The following KCNAB1 variants were observed in gnomAD, a reference collection of about 807,000 sequenced individuals.
KCNAB1 encodes voltage-gated potassium channel subunit beta-1.
Under a neutral mutation model 64.6 loss-of-function variants are expected in KCNAB1, and 35 were observed. The ratio of observed to expected loss-of-function variants is 0.54; its 90% confidence interval spans 0.41 to 0.72. The LOEUF (loss-of-function observed/expected upper bound fraction) is 0.72, where lower values mean the gene tolerates loss of function less well. Among genes scored for constraint, KCNAB1 ranks in the 30% least tolerant of loss-of-function variants. The pLI, the probability that KCNAB1 is intolerant of heterozygous loss-of-function variation, is 0.00. For synonymous variants in KCNAB1, 177 were observed against 183.8 expected, an observed-to-expected ratio of 0.96 and a Z score of 0.30; for missense variants, 401 against 512.9, an observed-to-expected ratio of 0.78 and a Z score of 2.11.
intron 1 of KCNAB1, among the ~76,000 whole-genome samples, chr3:156,121,674 T>C (rs1206917222): frequency 2.0e-5 from 3 of 152,228 alleles, no homozygotes; most frequent in Non-Finnish European, 4.4e-5. Flanking sequence ...GAAAAAATAC[T>C]GTGAAAATAA....
At chr3:156,352,577 A>G (rs1724926338) in intron 1 of KCNAB1, among the ~76,000 whole-genome samples, 1 of 152,228 alleles carries the variant, frequency 6.6e-6, no homozygotes, top group South Asian at 2.1e-4. Context: ...CTTTAATGGC[A>G]GGAACCTTAC....
At chr3:156,371,936 A>G (rs1329483352) in intron 1 of KCNAB1, among the ~76,000 whole-genome samples, 1 of 152,192 alleles carries the variant, frequency 6.6e-6, no homozygotes, top group East Asian at 1.9e-4. Context: ...GTTCCAAACT[A>G]ATTTTATTGT....
At chr3:156,120,505 A>T, upstream of KCNAB1, 1 of 1,265,174 alleles carries the variant, frequency 7.9e-7, no homozygotes, top group East Asian at 2.3e-5. Context: ...GGATAAGGTT[A>T]AGAGAGGTGG....
At chr3:156,267,541 A>G (rs1718790273) in intron 1 of KCNAB1, among the ~76,000 whole-genome samples, 2 of 152,142 alleles carry the variant, frequency 1.3e-5, no homozygotes, top group South Asian at 2.1e-4. Context: ...AAGATGATTT[A>G]TGTACATTGT....
At chr3:156,341,564 A>G (rs1262490199) in intron 1 of KCNAB1, among the ~76,000 whole-genome samples, 1 of 152,150 alleles carries the variant, frequency 6.6e-6, no homozygotes, top group Admixed American at 6.5e-5. Flanking sequence ...GGATGAGATC[A>G]TGCCTTATTG....
At chr3:156,455,076 G>C (rs138563533) in intron 3 of KCNAB1, among the ~76,000 whole-genome samples, 1 of 152,186 alleles carries the variant, frequency 6.6e-6, no homozygotes, top group Non-Finnish European at 1.5e-5. Context: ...TCCCTGAAGA[G>C]AGAATACCAG....
intron 1 of KCNAB1, among the ~76,000 whole-genome samples, chr3:156,238,278 T>C (rs1716960895): frequency 6.6e-6 from 1 of 151,922 alleles, no homozygotes; most frequent in Non-Finnish European, 1.5e-5. Context: ...AAAAATTAGC[T>C]GGCCATGGTG....
At chr3:156,432,147 G>A (rs1716261169) in intron 2 of KCNAB1, among the ~76,000 whole-genome samples, 1 of 152,116 alleles carries the variant, frequency 6.6e-6, no homozygotes, top group African/African-American at 2.4e-5. Context: ...TCCTGGATCT[G>A]GGATGCCTTC....
chr3:156,256,182 TTA>T (rs1718089244), intron 1 of KCNAB1, among the ~76,000 whole-genome samples: 1 of 152,182 alleles, frequency 6.6e-6, no homozygotes, highest in Non-Finnish European at 1.5e-5. Flanking sequence ...TGAAAAAGTG[TTA>T]TGTTTTCAGC....
At chr3:156,262,523 C>T (rs1718489442) in intron 1 of KCNAB1, among the ~76,000 whole-genome samples, 1 of 151,946 alleles carries the variant, frequency 6.6e-6, no homozygotes, top group Non-Finnish European at 1.5e-5. Flanking sequence ...AACCAAACTA[C>T]AGACCACTTA....
chr3:156,381,995 A>C (rs1352099290), intron 1 of KCNAB1: 2 of 152,232 alleles, frequency 1.3e-5, no homozygotes, highest in Non-Finnish European at 2.9e-5. Context: ...TGGATCAAGA[A>C]TCAAGAAACC....
chr3:156,458,667 G>A (rs1296263348), intron 4 of KCNAB1, among the ~76,000 whole-genome samples: 1 of 152,150 alleles, frequency 6.6e-6, no homozygotes, highest in Non-Finnish European at 1.5e-5. Flanking sequence ...AGGTTATATG[G>A]TCTTGCTCCT....
intron 1 of KCNAB1, among the ~76,000 whole-genome samples, chr3:156,395,352 C>T (rs952319377): frequency 2.7e-5 from 4 of 148,666 alleles, no homozygotes; most frequent in Non-Finnish European, 5.9e-5. Context: ...GAGACCATCC[C>T]GGCTAAAACG....
chr3:156,249,590 G>GAA (rs1160399327), intron 1 of KCNAB1, among the ~76,000 whole-genome samples: 1 of 151,146 alleles, frequency 6.6e-6, no homozygotes, highest in Non-Finnish European at 1.5e-5. Context: ...GAAAAAAAAA[G>GAA]AAAAAAAAGT....
intron 1 of KCNAB1, among the ~76,000 whole-genome samples, chr3:156,409,621 G>A (rs1027624477): frequency 2.6e-5 from 4 of 152,100 alleles, no homozygotes; most frequent in Non-Finnish European, 5.9e-5. Flanking sequence ...ATAAAATCAG[G>A]ATTGGCACCA....
At chr3:156,444,795 A>C (rs1434042001) in intron 2 of KCNAB1, among the ~76,000 whole-genome samples, 1 of 152,244 alleles carries the variant, frequency 6.6e-6, no homozygotes, top group Admixed American at 6.5e-5. Flanking sequence ...TAAGGTAACT[A>C]TGTAGCTTCC....
chr3:156,234,954 C>A (rs901292223), intron 1 of KCNAB1, among the ~76,000 whole-genome samples: 1 of 152,056 alleles, frequency 6.6e-6, no homozygotes, highest in African/African-American at 2.4e-5. Context: ...TGTGAATTTT[C>A]TAGTTTTAAA....
chr3:156,331,365 G>C (rs540782948), intron 1 of KCNAB1, among the ~76,000 whole-genome samples: 1 of 152,286 alleles, frequency 6.6e-6, no homozygotes, highest in African/African-American at 2.4e-5. Flanking sequence ...GTGCAGATCA[G>C]TGGTACCGAA....
At chr3:156,300,728 A>G (rs182564036) in intron 1 of KCNAB1, among the ~76,000 whole-genome samples, 1 of 152,320 alleles carries the variant, frequency 6.6e-6, no homozygotes, top group East Asian at 1.9e-4. Context: ...GACTATGCTG[A>G]CACATAGCAA....
Sources: gnomAD v4.1 joint callset for allele counts (sites outside exome capture counted in the v4.1 genomes callset) on GRCh38, gnomAD v4.1.1 for gene constraint, MANE v1.5 for transcripts, NCBI Gene and HGNC (gene_info 2026-07-23, HGNC 2026-07-21) for gene names.